CEP350: variants seen among roughly 807,000 people sequenced by gnomAD.
The protein encoded by CEP350 is centrosome-associated protein 350.
Under a neutral mutation model 331.8 loss-of-function variants are expected in CEP350, and 126 were observed. That is an observed-to-expected ratio of 0.38 (90% CI 0.33 to 0.44). The LOEUF (loss-of-function observed/expected upper bound fraction) is 0.44, where lower values mean the gene tolerates loss of function less well. CEP350 is among the 20% of genes least tolerant of loss of function. The pLI is 1.00. For missense variants in CEP350, 3,406 were observed against 3,634.6 expected, an observed-to-expected ratio of 0.94 and a Z score of 1.62; for synonymous variants, 1,200 against 1,259.5, an observed-to-expected ratio of 0.95 and a Z score of 1.00.
chr1:180,028,877 T>C (rs1356670995), intron 14 of CEP350, among the ~76,000 whole-genome samples: 5 of 152,190 alleles, frequency 3.3e-5, no homozygotes, highest in African/African-American at 1.2e-4. Flanking sequence ...TTTAAAACAT[T>C]ATCATCTAAA....
Position 180,006,530 on chromosome 1 carries a change from A to G in CEP350, c.1209A>G (p.Gln403=). The change falls in exon 8 of 38, where the codon CAA becomes CAG. Residue 403 remains glutamine (Q), a synonymous_variant. Coordinates refer to ENST00000367607, the MANE Select transcript of CEP350 (RefSeq NM_014810.5). ...KKVVKPVRKV[Q]KVAQLSSTEC... ...TAGTCAAGCCAGTACGAAAAGTCCA[A>G]AAAGTAGCACAGTTATCAAGTACAG... 1 of 1,553,524 alleles carries G rather than the reference A, an allele frequency of 6.4e-7. No homozygotes were observed. Among genetic ancestry groups the G allele is most frequent in the Non-Finnish European group, 8.7e-7 (1 of 1,146,092 alleles).
Position 180,041,231 on chromosome 1 carries a change from C to T in CEP350, c.4204C>T (p.Arg1402Ter). 1 of 1,588,720 alleles carries T rather than the reference C, an allele frequency of 6.3e-7. No homozygotes were observed. Among genetic ancestry groups the T allele is most frequent in the Non-Finnish European group, 8.6e-7 (1 of 1,167,808 alleles). Residue 1402 changes from arginine to a stop codon, truncating the protein, a stop_gained, in exon 18 of 38, where the codon CGA (arginine) becomes TGA (stop). Coordinates refer to ENST00000367607, the MANE Select transcript of CEP350 (RefSeq NM_014810.5). LOFTEE classifies it high-confidence loss of function. ...GAGTCAGAGACAATTAGAAGAAACC[C>T]GAAACAAAGCAGCTCAGGTAACTTA... The part of the protein sequence containing the change: ...LESQRQLEET[R>*]NKAAQVHAES...
At chr1:180,062,830 A>G (rs1031689808) in intron 26 of CEP350, among the ~76,000 whole-genome samples, 3 of 152,182 alleles carry the variant, frequency 2.0e-5, no homozygotes, top group Non-Finnish European at 4.4e-5. Context: ...CTGATTTCCC[A>G]CTGTCTTAAT....
rs773197790 is a variant in CEP350, at chr1:180,096,176, G to A, written c.9058G>A (p.Glu3020Lys). Reference sequence around the variant, plus strand: ...AGTGAAAAATCCAAATAACCTTGATGAAATCAAGGTAAACTGCAAACTATA... The same window carrying A: ...AGTGAAAAATCCAAATAACCTTGATAAAATCAAGGTAAACTGCAAACTATA... ...RRVKNPNNLD[E>K]IKSFIASEVL... The change falls in exon 36 of 38, where the codon GAA (glutamate) becomes AAA (lysine). Residue 3020 changes from glutamate to lysine, a missense_variant. Around this residue, in one of 5 missense-constraint regions of CEP350, gnomAD observed 1,415 missense variants for 1,512.3 expected, o/e 0.94. Transcript: ENST00000367607. The A allele has an allele frequency of 4.0e-5, 63 of 1,562,898 alleles. No individual in the cohort carries two copies. Among genetic ancestry groups the A allele is most frequent in the Non-Finnish European group, 5.5e-5 (63 of 1,152,552 alleles).
chr1:180,096,032 A>C lies in CEP350; in HGVS notation c.8920-6A>C. ...GTTTTGTTTTGTTTTGTTTTTCTCT[A>C]TCAAGGCGGTTTTTGATTTAACAAA... is the stretch of plus-strand genomic sequence containing the variant. On this transcript the variant is annotated splice_polypyrimidine_tract_variant and splice_region_variant and intron_variant, in intron 35 of 37. Transcript: ENST00000367607. 6.4e-7 allele frequency: 1 copy of C among 1,551,318 alleles called. No individual in the cohort carries two copies. Among genetic ancestry groups the C allele is most frequent in the Non-Finnish European group, 8.7e-7 (1 of 1,147,596 alleles).
rs1459780175 is a variant in CEP350 at position 180,114,426 on chromosome 1, A to C, written c.*3265A>C. On this transcript the variant is annotated 3_prime_UTR_variant, in exon 38 of 38. Transcript: ENST00000367607. The stretch of plus-strand genomic sequence containing the variant: ...GTAGGAATTTACATGTTTACAAATC[A>C]TCTTCAACTGGTTGTGCAGCAATTC... The C allele has an allele frequency of 6.6e-6, 1 of 152,622 alleles. No individual in the cohort carries two copies. The highest frequency in any genetic ancestry group is 6.5e-5 in the Admixed American group (1 of 15,286). The allele number at this position is 152,622 out of a possible 1,614,324, so 9.5% of individuals were successfully genotyped here.
chr1:179,980,833 C>T (rs1443149043), intron 1 of CEP350, among the ~76,000 whole-genome samples: 2 of 152,038 alleles, frequency 1.3e-5, no homozygotes, highest in South Asian at 2.1e-4. Flanking sequence ...ATTGTTAGCA[C>T]AAGCAGTTGA....
intron 25 of CEP350, among the ~76,000 whole-genome samples, chr1:180,060,850 C>T (rs1658186406): frequency 1.3e-5 from 2 of 150,360 alleles, no homozygotes; most frequent in Admixed American, 1.3e-4. Flanking sequence ...AATAGTATAT[C>T]TTTTTTTTTG....
intron 14 of CEP350, among the ~76,000 whole-genome samples, chr1:180,027,448 G>A (rs760863328): frequency 5.3e-5 from 8 of 152,126 alleles, no homozygotes; most frequent in African/African-American, 1.9e-4. Context: ...GTGTGATCAC[G>A]GCTTATGGCT....
At chr1:180,074,541 AAAG>A (rs1659101428) in intron 27 of CEP350, among the ~76,000 whole-genome samples, 1 of 152,168 alleles carries the variant, frequency 6.6e-6, no homozygotes, top group Non-Finnish European at 1.5e-5. Flanking sequence ...TAAAAGTAAA[AAAG>A]GGACATGAAC....
At chr1:180,038,239 G>GT (rs1185783575) in intron 17 of CEP350, among the ~76,000 whole-genome samples, 3 of 151,766 alleles carry the variant, frequency 2.0e-5, no homozygotes, top group Non-Finnish European at 4.4e-5. Flanking sequence ...GTTTTGTTTT[G>GT]TTTTTTGGTG....
At chr1:179,956,800 T>G (rs1650202815) in intron 1 of CEP350, among the ~76,000 whole-genome samples, 1 of 151,782 alleles carries the variant, frequency 6.6e-6, no homozygotes. Flanking sequence ...ATCCTTATTT[T>G]GCAGTCGTGG....
Position 180,114,141 on chromosome 1 carries a change from A to G in CEP350, c.*2980A>G, listed in dbSNP as rs1045295467. 2.0e-5 allele frequency: 3 copies of G among 152,648 alleles called. No individual in the cohort carries two copies. Among genetic ancestry groups the G allele is most frequent in the African/African-American group, 7.2e-5 (3 of 41,466 alleles). The allele number at this position is 152,648 out of a possible 1,614,324, so 9.5% of individuals were successfully genotyped here. ...TCTTTCAAAAGAGATTTCATTGCTC[A>G]TAAGAGTGTTGTGGCCTATTGATAA... On this transcript the variant is annotated 3_prime_UTR_variant, in exon 38 of 38. Coordinates refer to ENST00000367607, the MANE Select transcript of CEP350 (RefSeq NM_014810.5).
chr1:179,991,187 G>A (rs1314398533), intron 4 of CEP350, among the ~76,000 whole-genome samples: 1 of 151,216 alleles, frequency 6.6e-6, no homozygotes, highest in South Asian at 2.1e-4. Flanking sequence ...TTGACTTAAC[G>A]TATATTTTTC....
chr1:180,072,830 T>C (rs764740285), intron 27 of CEP350, among the ~76,000 whole-genome samples: 3 of 152,302 alleles, frequency 2.0e-5, no homozygotes, highest in Middle Eastern at 6.8e-3. Flanking sequence ...CATACTGATA[T>C]TACTCCTTGC....
At chr1:179,961,182 A>G (rs1229829146) in intron 1 of CEP350, among the ~76,000 whole-genome samples, 1 of 152,202 alleles carries the variant, frequency 6.6e-6, no homozygotes, top group Non-Finnish European at 1.5e-5. Context: ...GCGGTGGCTC[A>G]TGCCTATAAT....
chr1:179,974,053 TTTG>T (rs1651656758), intron 1 of CEP350, among the ~76,000 whole-genome samples: 1 of 149,380 alleles, frequency 6.7e-6, no homozygotes, highest in Non-Finnish European at 1.5e-5. Context: ...CTGTTTTTTT[TTTG>T]TTGTTGTTGC....
At chr1:179,990,683 C>G in intron 4 of CEP350, 62 bp downstream of exon 4, 1 of 893,296 alleles carries the variant, frequency 1.1e-6, no homozygotes, top group South Asian at 1.8e-5. Context: ...ACAAAACAGA[C>G]AGCTAGATCT....
intron 16 of CEP350, among the ~76,000 whole-genome samples, chr1:180,035,307 A>G (rs1479813085): frequency 6.6e-6 from 1 of 152,264 alleles, no homozygotes; most frequent in Admixed American, 6.5e-5. Context: ...AGTTGCAGCA[A>G]GTTATCCAGA....
Sources: allele counts gnomAD v4.1 joint callset (sites outside exome capture counted in the v4.1 genomes callset), GRCh38; gene constraint gnomAD v4.1.1; regional missense constraint gnomAD v4.1.1; transcripts MANE v1.5; gene names NCBI Gene and HGNC (gene_info 2026-07-23, HGNC 2026-07-21).